The following KDM4B variants were observed in gnomAD, a reference collection of about 807,000 sequenced individuals.
KDM4B encodes lysine demethylase 4B.
Under a neutral mutation model 125.2 loss-of-function variants are expected in KDM4B, and 32 were observed. The ratio of observed to expected loss-of-function variants is 0.26; its 90% CI spans 0.19 to 0.34. The LOEUF (loss-of-function observed/expected upper bound fraction) is 0.34, where lower values mean the gene tolerates loss of function less well. KDM4B is among the 10% of genes least tolerant of loss of function. The pLI is 1.00. For missense variants in KDM4B, 1,190 were observed against 1,577.7 expected, an observed-to-expected ratio of 0.75 and a Z score of 4.16; for synonymous variants, 721 against 677.9, an observed-to-expected ratio of 1.06 and a Z score of -0.99.
chr19:5,102,409 G>C (rs1405006972), intron 9 of KDM4B, among the ~76,000 whole-genome samples: 1 of 152,188 alleles, frequency 6.6e-6, no homozygotes, highest in Non-Finnish European at 1.5e-5. Flanking sequence ...AGTGGAGACA[G>C]TGAGGCCTTC....
At chr19:4,973,389 A>G (rs924340325) in intron 1 of KDM4B, among the ~76,000 whole-genome samples, 3 of 152,166 alleles carry the variant, frequency 2.0e-5, no homozygotes, top group Admixed American at 6.5e-5. Context: ...GGGTTTCACC[A>G]TGTTGACCAG....
chr19:5,123,842 T>G (rs1051126040), intron 11 of KDM4B, among the ~76,000 whole-genome samples: 1 of 152,094 alleles, frequency 6.6e-6, no homozygotes, highest in Admixed American at 6.5e-5. Context: ...CTGGAGACGG[T>G]GAGCCCCAGG....
At chr19:5,039,742 G>A in intron 3 of KDM4B, 94 bp from the exon 4 acceptor site, 1 of 1,389,066 alleles carries the variant, frequency 7.2e-7, no homozygotes, top group Non-Finnish European at 1.0e-6. Context: ...GATCTTGGGG[G>A]GTGCTGGTCT....
intron 11 of KDM4B, among the ~76,000 whole-genome samples, chr19:5,127,016 G>A (rs1381379517): frequency 6.6e-6 from 1 of 152,236 alleles, no homozygotes; most frequent in Admixed American, 6.5e-5. Flanking sequence ...AGGCTCTGGT[G>A]GAAACCCCGG....
intron 6 of KDM4B, among the ~76,000 whole-genome samples, chr19:5,061,844 AAAAC>A (rs1279239319): frequency 6.6e-6 from 1 of 151,890 alleles, no homozygotes. Flanking sequence ...AAAAAAACAA[AAAAC>A]AACAACAAAA....
rs143986824 is a variant in KDM4B at position 5,133,896 on chromosome 19, C to G, written c.1920C>G (p.Phe640Leu). The G allele has an allele frequency of 1.9e-6, 3 of 1,612,926 alleles. No homozygotes were observed. The Admixed American group carries it at 5.0e-5, about 27-fold the overall frequency. The change falls in exon 14 of 23, where the codon TTC (phenylalanine) becomes TTG (leucine). Residue 640 changes from phenylalanine to leucine, a missense_variant. Phe to Leu is a conservative substitution (Grantham distance 22). Transcript: ENST00000159111. ...CTGTTCTTCTAGAGGCATCCCCTTT[C>G]TCCGGGGAGGAAGATGTGAGTGACC... ...EASSDEEASP[F>L]SGEEDVSDPD...
intron 9 of KDM4B, among the ~76,000 whole-genome samples, chr19:5,098,684 A>C (rs1485665087): frequency 2.0e-5 from 3 of 152,110 alleles, no homozygotes; most frequent in Non-Finnish European, 4.4e-5. Flanking sequence ...GGAGGCGACG[A>C]GGGCATGAGG....
intron 1 of KDM4B, among the ~76,000 whole-genome samples, chr19:4,998,873 G>C (rs997461510): frequency 2.0e-4 from 31 of 152,308 alleles, no homozygotes; most frequent in African/African-American, 7.2e-4. Flanking sequence ...ACTTTTGGCA[G>C]GAAAGTCCTG....
intron 2 of KDM4B, among the ~76,000 whole-genome samples, chr19:5,023,971 T>G (rs2036204000): frequency 6.6e-6 from 1 of 152,056 alleles, no homozygotes; most frequent in Non-Finnish European, 1.5e-5. Context: ...AGGCTCATCC[T>G]GAACATCTAG....
intron 2 of KDM4B, among the ~76,000 whole-genome samples, chr19:5,021,472 G>T (rs1825399749): frequency 6.6e-6 from 1 of 152,098 alleles, no homozygotes; most frequent in Non-Finnish European, 1.5e-5. Context: ...GCATGTACCT[G>T]TGGGGCGGGA....
intron 9 of KDM4B, among the ~76,000 whole-genome samples, chr19:5,084,929 C>T (rs968163108): frequency 6.5e-5 from 9 of 137,878 alleles, no homozygotes; most frequent in African/African-American, 2.1e-4. Context: ...TGGTCTGGAA[C>T]TCCTGGGCTC....
intron 11 of KDM4B, among the ~76,000 whole-genome samples, chr19:5,124,778 T>A (rs2039421333): frequency 6.6e-6 from 1 of 152,174 alleles, no homozygotes; most frequent in African/African-American, 2.4e-5. Flanking sequence ...GTATTTTTAG[T>A]ACAGACAGGG....
chr19:5,041,674 G>A (rs1375302446), intron 5 of KDM4B, among the ~76,000 whole-genome samples: 1 of 152,238 alleles, frequency 6.6e-6, no homozygotes, highest in African/African-American at 2.4e-5. Flanking sequence ...CTGGGGTGAG[G>A]GGATCTCCCA....
intron 11 of KDM4B, among the ~76,000 whole-genome samples, chr19:5,124,217 T>G (rs1411244921): frequency 1.3e-5 from 2 of 150,496 alleles, no homozygotes; most frequent in African/African-American, 4.9e-5. Flanking sequence ...ACTGCCCATG[T>G]GACCCTGAGC....
At position 5,035,676 on chromosome 19, in the gene KDM4B, G is replaced by A. The variant is rs1030720400; in HGVS notation, c.141+2645G>A. Among the ~76,000 whole-genome samples the A allele has an allele frequency of 2.0e-5, 3 of 152,132 alleles. No homozygotes were observed. Among genetic ancestry groups the A allele is most frequent in the African/African-American group, 7.2e-5 (3 of 41,426 alleles). ...TTCTTGGCACCGGCGTCTTAAGCCA[G>A]TGTGGGGAGTATGGTTTCCCTGCCT... On this transcript the variant is annotated intron_variant, in intron 3 of 22. Coordinates refer to ENST00000159111, the MANE Select transcript of KDM4B (RefSeq NM_015015.3). The surrounding 1 kb of genome is among the most constrained non-coding windows in gnomAD (Gnocchi z 5.3).
At chr19:5,019,172 TGGTGTG>T (rs904161407) in intron 2 of KDM4B, among the ~76,000 whole-genome samples, 3 of 134,618 alleles carry the variant, frequency 2.2e-5, no homozygotes, top group Non-Finnish European at 3.2e-5. Flanking sequence ...GTGCAGGTGC[TGGTGTG>T]GGTGTTGGTG....
intron 12 of KDM4B, 55 bp downstream of exon 12, chr19:5,131,600 GAGGA>G: frequency 2.2e-6 from 1 of 449,498 alleles, no homozygotes; most frequent in Non-Finnish European, 3.9e-6. Flanking sequence ...TGGGGCAGGG[GAGGA>G]GGGGGCAGGT....
intron 15 of KDM4B, 129 bp from the exon 16 acceptor site, chr19:5,137,133 T>G: frequency 1.5e-6 from 1 of 654,342 alleles, no homozygotes; most frequent in East Asian, 2.7e-5. Context: ...TGCAGCTGCG[T>G]GCGGAGGCCT....
chr19:5,102,313 C>G (rs1033261262), intron 9 of KDM4B, among the ~76,000 whole-genome samples: 1 of 152,210 alleles, frequency 6.6e-6, no homozygotes, highest in East Asian at 1.9e-4. Flanking sequence ...ACCAAGGCAT[C>G]ACTTAGAGCC....
Sources: gnomAD v4.1 joint callset for allele counts (sites outside exome capture counted in the v4.1 genomes callset) on GRCh38, gnomAD v4.1.1 for gene constraint, Gnocchi (gnomAD v3.1) non-coding constraint, MANE v1.5 for transcripts, NCBI Gene and HGNC (gene_info 2026-07-23, HGNC 2026-07-21) for gene names.